Variants in KANK1 observed in about 807,000 individuals in gnomAD.
KANK1 encodes KN motif and ankyrin repeat domain-containing protein 1.
KANK1 carries 109 observed loss-of-function variants against 106.2 expected under a neutral mutation model. That is an observed-to-expected ratio of 1.03 (90% CI 0.88 to 1.20). The LOEUF is 1.20. Among genes scored for constraint, KANK1 ranks in the 50% most tolerant of loss-of-function variants. The pLI is 0.00. For synonymous variants in KANK1, 873 were observed against 652.2 expected, an observed-to-expected ratio of 1.34 and a Z score of -5.16; for missense variants, 2,399 against 1,710.7, an observed-to-expected ratio of 1.40 and a Z score of -7.10.
At chr9:510,171 T>C (rs927694371) in intron 1 of KANK1, among the ~76,000 whole-genome samples, 1 of 152,110 alleles carries the variant, frequency 6.6e-6, no homozygotes, top group Non-Finnish European at 1.5e-5. Context: ...TTGGGTTAAA[T>C]TGCAATTCTG....
chr9:600,676 A>G (rs1181980676), intron 1 of KANK1, among the ~76,000 whole-genome samples: 2 of 151,676 alleles, frequency 1.3e-5, no homozygotes, highest in Non-Finnish European at 2.9e-5. Context: ...CATACACCTC[A>G]CCTCATGCCC....
At chr9:683,680 A>G (rs1407492743) in intron 2 of KANK1, among the ~76,000 whole-genome samples, 7 of 152,214 alleles carry the variant, frequency 4.6e-5, no homozygotes, top group Admixed American at 4.6e-4. Flanking sequence ...TAAAAATAAA[A>G]CGTCCTCCCT....
intron 1 of KANK1, among the ~76,000 whole-genome samples, chr9:572,904 C>T (rs967899775): frequency 2.0e-5 from 3 of 152,078 alleles, no homozygotes; most frequent in African/African-American, 4.8e-5. Flanking sequence ...TCAAGTGATC[C>T]ATTTAGGACT....
At chr9:705,750 C>T (rs1393365805) in intron 2 of KANK1, among the ~76,000 whole-genome samples, 2 of 151,622 alleles carry the variant, frequency 1.3e-5, no homozygotes, top group Admixed American at 1.3e-4. Context: ...AGGTGCCCGC[C>T]ACTATGCTTG....
intron 1 of KANK1, among the ~76,000 whole-genome samples, 161 bp downstream of exon 1, chr9:504,915 G>A (rs1051283902): frequency 8.4e-4 from 126 of 150,438 alleles, no homozygotes; most frequent in Admixed American, 2.2e-3. Context: ...CAGCCCCCGC[G>A]GGCTCCCGCT....
chr9:523,463 C>G (rs550426308), intron 1 of KANK1, among the ~76,000 whole-genome samples: 71 of 151,814 alleles, frequency 4.7e-4, no homozygotes, highest in Non-Finnish European at 9.7e-4. Context: ...GCAATCCATT[C>G]TCAACAGCCA....
upstream of KANK1, among the ~76,000 whole-genome samples, chr9:504,237 C>T (rs1326221981): frequency 6.6e-6 from 1 of 152,174 alleles, no homozygotes; most frequent in East Asian, 1.9e-4. Context: ...TTCTTCTCCC[C>T]TTGCGGGTGT....
intron 1 of KANK1, among the ~76,000 whole-genome samples, chr9:549,976 G>C (rs1481330209): frequency 2.0e-5 from 3 of 152,078 alleles, no homozygotes; most frequent in Admixed American, 2.0e-4. Flanking sequence ...AATATACAAA[G>C]GAGAATTAAC....
intron 3 of KANK1, among the ~76,000 whole-genome samples, chr9:498,019 C>T (rs914669420): frequency 6.6e-6 from 1 of 152,078 alleles, no homozygotes; most frequent in East Asian, 1.9e-4. Flanking sequence ...TGCCATATAC[C>T]CTCTTAGGCC....
At chr9:549,095 C>A (rs1468561313) in intron 1 of KANK1, 2 of 148,926 alleles carry the variant, frequency 1.3e-5, no homozygotes, top group Admixed American at 6.7e-5. Flanking sequence ...TTTTTTTCTA[C>A]TTCTTCCACA....
intron 1 of KANK1, among the ~76,000 whole-genome samples, chr9:507,423 CTT>C (rs1428968734): frequency 6.6e-6 from 1 of 152,076 alleles, no homozygotes; most frequent in East Asian, 1.9e-4. Context: ...GAGTTTTGCT[CTT>C]GTCAGCCAGG....
intron 1 of KANK1, among the ~76,000 whole-genome samples, chr9:587,344 A>T (rs1823752089): frequency 6.6e-6 from 1 of 152,196 alleles, no homozygotes; most frequent in Non-Finnish European, 1.5e-5. Context: ...CTGAAGAATA[A>T]AAGTGAATTG....
chr9:525,504 T>C (rs946127946), intron 1 of KANK1, among the ~76,000 whole-genome samples: 5 of 151,304 alleles, frequency 3.3e-5, no homozygotes, highest in African/African-American at 1.2e-4. Context: ...CTCAGCCTCC[T>C]GAGTAGCTGG....
intron 1 of KANK1, among the ~76,000 whole-genome samples, chr9:588,597 T>G (rs1347569366): frequency 1.3e-5 from 2 of 152,168 alleles, no homozygotes; most frequent in African/African-American, 4.8e-5. Flanking sequence ...AAAAAAAGTG[T>G]TTGTTTTTAA....
At chr9:539,707 G>A (rs780534658) in intron 1 of KANK1, 2 of 133,254 alleles carry the variant, frequency 1.5e-5, no homozygotes, top group Admixed American at 7.9e-5. Context: ...GGCTGGTCTT[G>A]AACTCCTGGA....
chr9:662,688 G>GTTTT, intron 1 of KANK1, among the ~76,000 whole-genome samples: 3 of 133,038 alleles, frequency 2.3e-5, no homozygotes, highest in East Asian at 2.5e-4. Context: ...TTGAGACAGG[G>GTTTT]TCTTGCTCTG....
intron 1 of KANK1, among the ~76,000 whole-genome samples, chr9:593,577 C>T (rs1825521523): frequency 1.3e-5 from 2 of 150,564 alleles, no homozygotes; most frequent in Non-Finnish European, 2.9e-5. Flanking sequence ...ACCAGAGTAA[C>T]TTAGAGAAGT....
intron 3 of KANK1, among the ~76,000 whole-genome samples, chr9:485,769 G>A (rs2058281968): frequency 6.6e-6 from 1 of 151,884 alleles, no homozygotes; most frequent in Non-Finnish European, 1.5e-5. Flanking sequence ...TACTCGGGAG[G>A]CTGAGGCAGG....
intron 8 of KANK1, 96 bp downstream of exon 8, chr9:738,600 C>A: frequency 1.1e-6 from 1 of 944,200 alleles, no homozygotes; most frequent in South Asian, 1.5e-5. Context: ...AATTCTCTGA[C>A]CATGCTAAAA....
Sources: allele counts gnomAD v4.1 joint callset (sites outside exome capture counted in the v4.1 genomes callset), GRCh38; gene constraint gnomAD v4.1.1; transcripts MANE v1.5; gene names NCBI Gene and HGNC (gene_info 2026-07-23, HGNC 2026-07-21).